Variants in DMRT1 observed in about 807,000 individuals in gnomAD.
DMRT1 encodes doublesex and mab-3 related transcription factor 1.
DMRT1 carries 7 observed loss-of-function variants against 32.3 expected under a neutral mutation model. The observed-to-expected ratio is 0.22, with a 90% CI of 0.12 to 0.41. DMRT1 has a LOEUF of 0.41. Ranked by LOEUF, DMRT1 falls within the 10% of genes least tolerant of loss-of-function variation. The pLI, the probability that DMRT1 is intolerant of heterozygous loss-of-function variation, is 1.00. For missense variants in DMRT1, 625 were observed against 500.5 expected, an observed-to-expected ratio of 1.25 and a Z score of -2.37; for synonymous variants, 278 against 206.1, an observed-to-expected ratio of 1.35 and a Z score of -2.99.
At chr9:899,192 AG>A (rs1372799762) in intron 3 of DMRT1, among the ~76,000 whole-genome samples, 1 of 152,192 alleles carries the variant, frequency 6.6e-6, no homozygotes, top group East Asian at 1.9e-4. Flanking sequence ...ATTTTAAAAA[AG>A]AAACAAGAAA....
intron 2 of DMRT1, among the ~76,000 whole-genome samples, chr9:860,715 C>T (rs1476335658): frequency 2.0e-5 from 3 of 152,152 alleles, no homozygotes; most frequent in Non-Finnish European, 2.9e-5. Context: ...CAAGGGGACA[C>T]GGGCTGTTTT....
intron 2 of DMRT1, among the ~76,000 whole-genome samples, chr9:855,999 C>T (rs1427066773): frequency 1.3e-5 from 2 of 152,086 alleles, no homozygotes; most frequent in Non-Finnish European, 2.9e-5. Flanking sequence ...TCACTGCAAC[C>T]TCTGCCTCCC....
intron 4 of DMRT1, among the ~76,000 whole-genome samples, chr9:930,640 C>A (rs1036504651): frequency 6.6e-6 from 1 of 151,988 alleles, no homozygotes; most frequent in Non-Finnish European, 1.5e-5. Context: ...GATCTCCTGA[C>A]CTCGTGATCT....
rs1408391191 is a variant in DMRT1, at chr9:841,969, G to T, written c.131G>T (p.Gly44Val). The change falls in exon 1 of 5, where the codon GGC (glycine) becomes GTC (valine). Residue 44 changes from glycine to valine, a missense_variant. Physicochemically the swap from Gly to Val is moderately radical, Grantham distance 109. Coordinates refer to ENST00000382276, the MANE Select transcript of DMRT1 (RefSeq NM_021951.3). Reference sequence around the variant, plus strand: ...GGGGCGCTAGTGGGGGCGGCCAGCGGCTCGAGCGCCGGGGGCAGCAGCAGA... The same window carrying T: ...GGGGCGCTAGTGGGGGCGGCCAGCGTCTCGAGCGCCGGGGGCAGCAGCAGA... ...ASGALVGAAS[G>V]SSAGGSSRGG... 6 of 1,586,682 alleles carry T rather than the reference G, an allele frequency of 3.8e-6. No individual in the cohort carries two copies. Among genetic ancestry groups the T allele is most frequent in the Non-Finnish European group, 4.3e-6 (5 of 1,167,236 alleles).
chr9:882,813 C>G (rs1384000237), intron 2 of DMRT1, among the ~76,000 whole-genome samples: 1 of 148,558 alleles, frequency 6.7e-6, no homozygotes, highest in African/African-American at 2.5e-5. Flanking sequence ...ACTCTGTTGC[C>G]CAGGCTGGAG....
chr9:880,855 G>A (rs549152186), intron 2 of DMRT1, among the ~76,000 whole-genome samples: 2 of 152,108 alleles, frequency 1.3e-5, no homozygotes, highest in Admixed American at 1.3e-4. Flanking sequence ...AGCAAAAAAG[G>A]CAAATTACAT....
chr9:869,723 G>A (rs1011032043), intron 2 of DMRT1, among the ~76,000 whole-genome samples: 3 of 151,906 alleles, frequency 2.0e-5, no homozygotes, highest in Non-Finnish European at 4.4e-5. Flanking sequence ...TTCAATCCCC[G>A]AGAATTTAAT....
Position 867,022 on chromosome 9 carries a change from C to T in DMRT1, c.538+19879C>T, listed in dbSNP as rs574917506. 2.0e-5 allele frequency among the ~76,000 whole-genome samples: 3 copies of T among 151,932 alleles called. No individual in the cohort carries two copies. The South Asian group carries it at 6.3e-4, about 32-fold the overall frequency. ...AGATGTAGATAAACTAGAGAGAATC[C>T]AGGGGAAGGGCAACAAAAATGATGT... On this transcript the variant is annotated intron_variant, in intron 2 of 4. Coordinates refer to ENST00000382276, the MANE Select transcript of DMRT1 (RefSeq NM_021951.3).
chr9:880,137 T>G (rs943329546), intron 2 of DMRT1, among the ~76,000 whole-genome samples: 1 of 152,170 alleles, frequency 6.6e-6, no homozygotes, highest in Admixed American at 6.6e-5. Flanking sequence ...GTAATTGTAG[T>G]TTGTCATCAG....
At chr9:892,449 G>A (rs1230049897) in intron 2 of DMRT1, among the ~76,000 whole-genome samples, 1 of 151,984 alleles carries the variant, frequency 6.6e-6, no homozygotes, top group African/African-American at 2.4e-5. Context: ...TACACACCCA[G>A]GCTCCTGCTC....
rs574779210 is a variant in DMRT1 at position 950,783 on chromosome 9, C to G, written c.968-17202C>G. 3.9e-5 allele frequency among the ~76,000 whole-genome samples: 6 copies of G among 152,256 alleles called. No individual in the cohort carries two copies. In the South Asian group the frequency reaches 1.0e-3, roughly 26 times the overall value. ...AAGAAAGCATCTCACTCCTGCAGTT[C>G]AAGTGAAAAGCAGTGTTTCCAGAAA... On this transcript the variant is annotated intron_variant, in intron 4 of 4. Transcript: ENST00000382276.
chr9:862,280 A>G (rs1471954454), intron 2 of DMRT1, among the ~76,000 whole-genome samples: 1 of 152,022 alleles, frequency 6.6e-6, no homozygotes, highest in African/African-American at 2.4e-5. Flanking sequence ...CTGGCAGACC[A>G]CTCGCGGTCA....
chr9:962,507 G>A lies in DMRT1; in HGVS notation c.968-5478G>A, dbSNP rs535690140. Among the ~76,000 whole-genome samples, 12 of 144,966 alleles carry A rather than the reference G, an allele frequency of 8.3e-5. 1 individual carries two copies. The South Asian group carries it at 2.9e-3, about 35-fold the overall frequency. ...TCCATGAAACAAGCAGGGAATTTGG[G>A]GACCCACCAGCTTTCTATGCTGTGG... On this transcript the variant is annotated intron_variant, in intron 4 of 4. Transcript: ENST00000382276.
intron 4 of DMRT1, among the ~76,000 whole-genome samples, chr9:952,908 A>G (rs203657): frequency 0.68 from 103,839 of 152,074 alleles, 35,820 homozygotes; most frequent in East Asian, 0.81. Context: ...TGAAATTTAT[A>G]TTCTTTTTTT....
At chr9:868,078 A>G (rs1816069799) in intron 2 of DMRT1, among the ~76,000 whole-genome samples, 1 of 152,196 alleles carries the variant, frequency 6.6e-6, no homozygotes, top group South Asian at 2.1e-4. Context: ...CCTGGGCTCA[A>G]GCAGTCCTCC....
At chr9:936,411 C>G (rs1447611594) in intron 4 of DMRT1, among the ~76,000 whole-genome samples, 2 of 151,852 alleles carry the variant, frequency 1.3e-5, no homozygotes, top group African/African-American at 4.8e-5. Context: ...GGGCCATTGT[C>G]TTCTTCCACT....
intron 4 of DMRT1, among the ~76,000 whole-genome samples, chr9:962,471 T>G (rs1819804988): frequency 6.9e-6 from 1 of 144,152 alleles, no homozygotes; most frequent in Non-Finnish European, 1.5e-5. Flanking sequence ...AAGTTGCTTG[T>G]GGTGACCTCC....
In DMRT1 at chr9:882,747, G is replaced by A. The variant is rs140099830; in HGVS notation, c.539-11165G>A. On this transcript the variant is annotated intron_variant, in intron 2 of 4. Transcript: ENST00000382276. Reference sequence around the variant, plus strand: ...TCTGGTTGTGCTCAGTGGCGCCCCCGTCTCCCCTGAATCTTTTTTTTTTTT... The same window carrying A: ...TCTGGTTGTGCTCAGTGGCGCCCCCATCTCCCCTGAATCTTTTTTTTTTTT... 1.0e-3 allele frequency among the ~76,000 whole-genome samples: 147 copies of A among 147,254 alleles called. 2 individuals are homozygous for A. Among genetic ancestry groups the A allele is most frequent in the East Asian group, 5.6e-3 (28 of 4,978 alleles).
chr9:929,536 T>C (rs1482382722), intron 4 of DMRT1, among the ~76,000 whole-genome samples: 1 of 152,078 alleles, frequency 6.6e-6, no homozygotes, highest in Non-Finnish European at 1.5e-5. Context: ...TATTAACATA[T>C]TATTTCTCCT....
Sources: allele counts gnomAD v4.1 joint callset (sites outside exome capture counted in the v4.1 genomes callset), GRCh38; gene constraint gnomAD v4.1.1; transcripts MANE v1.5; gene names NCBI Gene and HGNC (gene_info 2026-07-23, HGNC 2026-07-21).